Variants in SPOPL observed in about 807,000 individuals in gnomAD.
SPOPL encodes the protein speckle type BTB/POZ protein like.
SPOPL carries 23 observed loss-of-function variants against 53.8 expected under a neutral mutation model. That is an observed-to-expected ratio of 0.43 (90% CI 0.31 to 0.61). The LOEUF (loss-of-function observed/expected upper bound fraction) is 0.61, where lower values mean the gene tolerates loss of function less well. SPOPL is among the 20% of genes least tolerant of loss of function. The pLI is 0.12. For missense variants in SPOPL, 442 were observed against 466.9 expected, an observed-to-expected ratio of 0.95 and a Z score of 0.49; for synonymous variants, 164 against 149.7, an observed-to-expected ratio of 1.10 and a Z score of -0.70.
chr2:138,502,471 C>A (rs1013356784), intron 1 of SPOPL, among the ~76,000 whole-genome samples: 1 of 152,244 alleles, frequency 6.6e-6, no homozygotes, highest in Non-Finnish European at 1.5e-5. Flanking sequence ...TACCTCCACA[C>A]CTGCCCCTTT....
chr2:138,541,801 C>A (rs866831319), intron 1 of SPOPL, among the ~76,000 whole-genome samples: 18 of 152,070 alleles, frequency 1.2e-4, no homozygotes, highest in Non-Finnish European at 1.5e-4. Flanking sequence ...TTTGCTCTTG[C>A]TTTTCTAGTT....
intron 1 of SPOPL, among the ~76,000 whole-genome samples, chr2:138,511,875 A>G (rs902268680): frequency 1.3e-5 from 2 of 152,184 alleles, no homozygotes; most frequent in African/African-American, 4.8e-5. Context: ...CCACCCTGCC[A>G]TTTAATAGCT....
intron 1 of SPOPL, among the ~76,000 whole-genome samples, chr2:138,526,797 GCT>G: frequency 6.6e-6 from 1 of 151,170 alleles, no homozygotes; most frequent in Non-Finnish European, 1.5e-5. Context: ...CACAATCTTG[GCT>G]CACTGCAACC....
At chr2:138,557,469 C>T (rs1354334581) in intron 5 of SPOPL, among the ~76,000 whole-genome samples, 1 of 152,162 alleles carries the variant, frequency 6.6e-6, no homozygotes, top group East Asian at 1.9e-4. Flanking sequence ...ACTTCTAAGA[C>T]TTAATCTTCT....
chr2:138,560,625 A>G (rs575407078), intron 7 of SPOPL, among the ~76,000 whole-genome samples, 180 bp from the exon 8 acceptor site: 1 of 152,044 alleles, frequency 6.6e-6, no homozygotes, highest in Non-Finnish European at 1.5e-5. Flanking sequence ...GAAGTACTTA[A>G]TGAAGTTTAC....
chr2:138,540,851 G>C (rs531487096), intron 1 of SPOPL, among the ~76,000 whole-genome samples: 50 of 152,028 alleles, frequency 3.3e-4, no homozygotes, highest in African/African-American at 1.0e-3. Context: ...CCAGTTTTTG[G>C]CCATTCAGTA....
At chr2:138,503,952 C>T (rs553250994) in intron 1 of SPOPL, among the ~76,000 whole-genome samples, 2 of 152,292 alleles carry the variant, frequency 1.3e-5, no homozygotes, top group South Asian at 4.1e-4. Flanking sequence ...GTCTTCTTGG[C>T]TTGGTGTTTA....
chr2:138,548,131 A>G (rs1176172295), intron 1 of SPOPL, among the ~76,000 whole-genome samples: 2 of 151,986 alleles, frequency 1.3e-5, no homozygotes, highest in Non-Finnish European at 2.9e-5. Flanking sequence ...CTTCTCTGCA[A>G]TTTTGCTGGC....
rs1685789901 is a variant in SPOPL, at chr2:138,571,874, T to C, written c.*2794T>C. 1 of 152,584 alleles carries C rather than the reference T, an allele frequency of 6.6e-6. No homozygotes were observed. The highest frequency in any genetic ancestry group is 1.5e-5 in the Non-Finnish European group (1 of 68,030). The allele number at this position is 152,584 out of a possible 1,614,324, so 9.5% of individuals were successfully genotyped here. A position where few individuals can be genotyped will look rare whatever the true frequency, so the allele number is the denominator to read the frequency against. ...CCTTTTCATTTTTAATTTTAATGTGTGTTGATATTTGGAGCACAAATAATG... is the reference window on the plus strand; with the variant it reads ...CCTTTTCATTTTTAATTTTAATGTGCGTTGATATTTGGAGCACAAATAATG... On this transcript the variant is annotated 3_prime_UTR_variant, in exon 11 of 11. Coordinates refer to ENST00000280098, the MANE Select transcript of SPOPL (RefSeq NM_001001664.3).
chr2:138,526,467 T>C (rs994117765), intron 1 of SPOPL, among the ~76,000 whole-genome samples: 1 of 152,124 alleles, frequency 6.6e-6, no homozygotes, highest in African/African-American at 2.4e-5. Context: ...GAAATTAAAT[T>C]GTGTGTTAAT....
chr2:138,562,226 A>T, intron 8 of SPOPL, among the ~76,000 whole-genome samples: 1 of 151,338 alleles, frequency 6.6e-6, no homozygotes, highest in African/African-American at 2.4e-5. Flanking sequence ...AACTTTGGGG[A>T]AAAAAAGAAT....
chr2:138,541,376 A>G (rs1573892378), intron 1 of SPOPL, among the ~76,000 whole-genome samples: 1 of 152,112 alleles, frequency 6.6e-6, no homozygotes, highest in Non-Finnish European at 1.5e-5. Context: ...CTGGTCCTGC[A>G]CTTTTTTTGG....
At chr2:138,568,239 C>T (rs1685708530) in intron 10 of SPOPL, among the ~76,000 whole-genome samples, 1 of 152,036 alleles carries the variant, frequency 6.6e-6, no homozygotes, top group Non-Finnish European at 1.5e-5. Context: ...ATCTTTGAAG[C>T]CTTTCAAACC....
rs751473677 is a variant in SPOPL, at chr2:138,559,311, G to C, written c.688G>C (p.Glu230Gln). 3 of 1,612,554 alleles carry C rather than the reference G, an allele frequency of 1.9e-6. No individual in the cohort carries two copies. Among genetic ancestry groups the C allele is most frequent in the Non-Finnish European group, 2.5e-6 (3 of 1,179,464 alleles). The change falls in exon 7 of 11, where the codon GAA becomes CAA. Residue 230 changes from glutamate (E) to glutamine (Q), a missense_variant. Glu to Gln is a conservative substitution (Grantham distance 29). Transcript: ENST00000280098. ...ATCTCCAGTTTTTAACGCCATGTTT[G>C]AACATGAAATGGAAGAAAGCAAAAA... ...ARSPVFNAMF[E>Q]HEMEESKKNR...
At chr2:138,560,028 C>T (rs149502654) in intron 7 of SPOPL, among the ~76,000 whole-genome samples, 340 of 152,190 alleles carry the variant, frequency 2.2e-3, no homozygotes, top group African/African-American at 7.3e-3. Flanking sequence ...AGTTGGGAGA[C>T]ATCAATGATG....
chr2:138,573,078 C>G lies in SPOPL; in HGVS notation c.*3998C>G, dbSNP rs375041849. On this transcript the variant is annotated 3_prime_UTR_variant, in exon 11 of 11. Transcript: ENST00000280098. ...CTTGGGGAAATTGATTTTCAAGATTCAAGTGTATAAAAACTTATATTGAAC... is the reference window on the plus strand; with the variant it reads ...CTTGGGGAAATTGATTTTCAAGATTGAAGTGTATAAAAACTTATATTGAAC... 2.9e-4 allele frequency: 44 copies of G among 152,086 alleles called. No individual in the cohort carries two copies. Among genetic ancestry groups the G allele is most frequent in the African/African-American group, 9.4e-4 (39 of 41,496 alleles). 9.4% of individuals were successfully genotyped at this position (152,086 alleles called of 1,614,324 possible). A position where few individuals can be genotyped will look rare whatever the true frequency, so the allele number is the denominator to read the frequency against.
At chr2:138,524,137 A>G (rs185316870) in intron 1 of SPOPL, among the ~76,000 whole-genome samples, 31 of 152,326 alleles carry the variant, frequency 2.0e-4, no homozygotes, top group African/African-American at 6.5e-4. Flanking sequence ...CCAAACTTCA[A>G]TTCTTGACTT....
At chr2:138,562,443 G>A (rs747573569) in intron 8 of SPOPL, among the ~76,000 whole-genome samples, 2 of 152,116 alleles carry the variant, frequency 1.3e-5, no homozygotes, top group African/African-American at 2.4e-5. Flanking sequence ...TTAAACAAGT[G>A]GTGCAGGAGC....
In SPOPL at chr2:138,568,918, T is replaced by G. The variant is rs1160679853; in HGVS notation, c.1035-18T>G. ...GAAAAGTATTCTTTAGTAAATATCT[T>G]TTAATTCTATTTTTCAGCCAAGCAA... On this transcript the variant is annotated intron_variant, in intron 10 of 10. Coordinates refer to ENST00000280098, the MANE Select transcript of SPOPL (RefSeq NM_001001664.3). 3.1e-6 allele frequency: 5 copies of G among 1,612,960 alleles called. No individual in the cohort carries two copies. Among genetic ancestry groups the G allele is most frequent in the Admixed American group, 3.3e-5 (2 of 59,822 alleles).
Sources: allele counts gnomAD v4.1 joint callset (sites outside exome capture counted in the v4.1 genomes callset), GRCh38; gene constraint gnomAD v4.1.1; transcripts MANE v1.5; gene names NCBI Gene and HGNC (gene_info 2026-07-23, HGNC 2026-07-21).